FUT2: variants seen among roughly 807,000 people sequenced by gnomAD.
The protein encoded by FUT2 is galactoside alpha-(1,2)-fucosyltransferase 2.
For missense variants in FUT2, 419 were observed against 465.8 expected, an observed-to-expected ratio of 0.90 and a Z score of 0.93; for synonymous variants, 182 against 193.1, an observed-to-expected ratio of 0.94 and a Z score of 0.48.
intron 1 of FUT2, among the ~76,000 whole-genome samples, chr19:48,700,152 CAA>C (rs923397801): frequency 0.2 from 8,665 of 44,082 alleles, 146 homozygotes; most frequent in Admixed American, 0.25. Context: ...GACTCCATCT[CAA>C]AAAAAAAAAA....
rs1405159995 is a variant in FUT2, at chr19:48,703,985, C to T, written c.1029C>T (p.His343=). 6.2e-7 allele frequency: 1 copy of T among 1,613,260 alleles called. No individual in the cohort carries two copies. The highest frequency in any genetic ancestry group is 8.5e-7 in the Non-Finnish European group (1 of 1,179,900). ...CAGACCTGTCCCCCTTACTCAAGCA[C>T]TAATGCTGGCCCATTCTTTGAGACC... ...IAADLSPLLK[H] is the part of the protein sequence containing the mutation. Residue 343 remains histidine, a synonymous_variant, in exon 2 of 2, where the codon CAC becomes CAT. Coordinates refer to ENST00000425340, the MANE Select transcript of FUT2 (RefSeq NM_000511.6).
intron 1 of FUT2, among the ~76,000 whole-genome samples, chr19:48,697,502 C>A (rs2042740628): frequency 6.6e-6 from 1 of 151,536 alleles, no homozygotes; most frequent in Non-Finnish European, 1.5e-5. Context: ...AAGACCCCCT[C>A]CCCACCATCC....
intron 1 of FUT2, among the ~76,000 whole-genome samples, chr19:48,696,976 G>A (rs577398478): frequency 1.3e-4 from 20 of 152,116 alleles, no homozygotes; most frequent in African/African-American, 4.6e-4. Flanking sequence ...TGAAGGGGCT[G>A]CGAGCTGGGA....
Position 48,704,420 on chromosome 19 carries a change from TCAA to T in FUT2, c.*433_*435del. The T allele has an allele frequency of 8.3e-6, 1 of 120,062 alleles. No homozygotes were observed. The highest frequency in any genetic ancestry group is 1.5e-5 in the Non-Finnish European group (1 of 68,352). The allele number at this position is 120,062 out of a possible 1,614,324, so 7.4% of individuals were successfully genotyped here. On this transcript the variant is annotated 3_prime_UTR_variant, in exon 2 of 2. Transcript: ENST00000425340. ...CTGGGTGACACAGCAAGACTCCATC[TCAA>T]AAAAAAAAAAAAAAAAAAGAAAAGA...
chr19:48,703,028 T>C lies in FUT2; in HGVS notation c.72T>C (p.Thr24=). 6.2e-7 allele frequency: 1 copy of C among 1,613,166 alleles called. No homozygotes were observed. Among genetic ancestry groups the C allele is most frequent in the Non-Finnish European group, 8.5e-7 (1 of 1,180,038 alleles). ...HFILFVFTVS[T]IFHVQQRLAK... ...TCCTCTTTGTCTTTACGGTTTCCAC[T>C]ATATTTCACGTTCAGCAGCGGCTAG... The change falls in exon 2 of 2, where the codon ACT becomes ACC. Residue 24 remains threonine, a synonymous_variant. Transcript: ENST00000425340.
rs1195338226 is a variant in FUT2 at position 48,703,719 on chromosome 19, A to G, written c.763A>G (p.Thr255Ala). 6.8e-6 allele frequency: 11 copies of G among 1,613,052 alleles called. No homozygotes were observed. Among genetic ancestry groups the G allele is most frequent in the Admixed American group, 1.7e-5 (1 of 59,910 alleles). ...GGCCTGGTGTCGGGAGAACATTGACACCTCCCACGGTGATGTGGTGTTTGC... is the reference window on the plus strand; with the variant it reads ...GGCCTGGTGTCGGGAGAACATTGACGCCTCCCACGGTGATGTGGTGTTTGC... ...GMAWCRENID[T>A]SHGDVVFAGD... Residue 255 changes from threonine to alanine, a missense_variant, in exon 2 of 2, where the codon ACC becomes GCC. Transcript: ENST00000425340.
chr19:48,697,810 T>C (rs1451230825), intron 1 of FUT2, among the ~76,000 whole-genome samples: 3 of 151,954 alleles, frequency 2.0e-5, no homozygotes, highest in Non-Finnish European at 4.4e-5. Context: ...TTCTCCTTCC[T>C]CAGCCTCCCA....
At position 48,704,534 on chromosome 19, in the gene FUT2, C is replaced by T. The variant is rs757614652; in HGVS notation, c.*546C>T. ...CCAGGTCCAGGGTCAGTTAATTTAG[C>T]GGCTCCACAAAGTCATCAGTCACCT... On this transcript the variant is annotated 3_prime_UTR_variant, in exon 2 of 2. Transcript: ENST00000425340. 46 of 416,742 alleles carry T rather than the reference C, an allele frequency of 1.1e-4. No homozygotes were observed. Among genetic ancestry groups the T allele is most frequent in the Non-Finnish European group, 1.7e-4 (38 of 227,940 alleles). 25.8% of individuals were successfully genotyped at this position (416,742 alleles called of 1,614,324 possible).
intron 1 of FUT2, chr19:48,696,515 C>G (rs908220549): frequency 1.5e-4 from 23 of 152,330 alleles, no homozygotes; most frequent in Admixed American, 1.2e-3. Flanking sequence ...TTCATGGAAC[C>G]CAAACTGCTG....
In FUT2 at chr19:48,703,848, C is replaced by T. The variant is rs1475708633; in HGVS notation, c.892C>T (p.Leu298Phe). ...GACGTTCGGGATCTGGGCCGCATAC[C>T]TCACGGGCGGAGACACCATCTACCT... ...IGTFGIWAAY[L>F]TGGDTIYLAN... The change falls in exon 2 of 2, where the codon CTC (leucine) becomes TTC (phenylalanine). Residue 298 changes from leucine to phenylalanine, a missense_variant. By Grantham distance (22) the Leu-to-Phe change is conservative. Coordinates refer to ENST00000425340, the MANE Select transcript of FUT2 (RefSeq NM_000511.6). 1.2e-6 allele frequency: 2 copies of T among 1,613,632 alleles called. No individual in the cohort carries two copies. Among genetic ancestry groups the T allele is most frequent in the Non-Finnish European group, 1.7e-6 (2 of 1,180,018 alleles).
intron 1 of FUT2, among the ~76,000 whole-genome samples, chr19:48,700,574 G>A (rs1209904705): frequency 6.6e-5 from 10 of 151,840 alleles, no homozygotes; most frequent in South Asian, 4.2e-4. Flanking sequence ...CTCATGATCC[G>A]CCCGCCTTGG....
At chr19:48,700,564 C>T (rs1454508828) in intron 1 of FUT2, among the ~76,000 whole-genome samples, 1 of 151,972 alleles carries the variant, frequency 6.6e-6, no homozygotes, top group Non-Finnish European at 1.5e-5. Flanking sequence ...ATCTCCTGAC[C>T]TCATGATCCG....
intron 1 of FUT2, among the ~76,000 whole-genome samples, chr19:48,701,583 G>A (rs1033361990): frequency 2.6e-5 from 4 of 152,136 alleles, no homozygotes; most frequent in African/African-American, 9.6e-5. Context: ...ACTGGCTGCG[G>A]CCAGGAGGGC....
intron 1 of FUT2, among the ~76,000 whole-genome samples, chr19:48,698,424 C>T (rs1473126084): frequency 6.6e-6 from 1 of 151,742 alleles, no homozygotes; most frequent in African/African-American, 2.4e-5. Flanking sequence ...GTAGAACATT[C>T]TGCTTTTCTT....
At position 48,697,345 on chromosome 19, in the gene FUT2, CAA is replaced by C. The variant is rs71179033; in HGVS notation, c.-3+1278_-3+1279del. The stretch of plus-strand genomic sequence containing the variant: ...GGGGAACAAGAGCAAAACTCCGTCT[CAA>C]AAAAAAAAAAAAAAAAAAAAATCTC... On this transcript the variant is annotated intron_variant, in intron 1 of 1. Transcript: ENST00000425340. 1.1e-3 allele frequency among the ~76,000 whole-genome samples: 112 copies of C among 98,346 alleles called. 1 individual carries two copies. Among genetic ancestry groups the C allele is most frequent in the African/African-American group, 4.2e-3 (103 of 24,642 alleles). 64.5% of individuals were successfully genotyped at this position (98,346 alleles called of 152,430 possible). A position where few individuals can be genotyped will look rare whatever the true frequency, so the allele number is the denominator to read the frequency against.
intron 1 of FUT2, among the ~76,000 whole-genome samples, chr19:48,699,770 G>T (rs572220009): frequency 1.3e-4 from 20 of 152,156 alleles, no homozygotes; most frequent in African/African-American, 4.8e-4. Flanking sequence ...GCCACTGGTG[G>T]TGATGTGTCT....
In FUT2 at chr19:48,703,859, A is replaced by G. The variant is rs1289557580; in HGVS notation, c.903A>G (p.Gly301=). 2.7e-5 allele frequency: 44 copies of G among 1,613,486 alleles called. No individual in the cohort carries two copies. Among genetic ancestry groups the G allele is most frequent in the Non-Finnish European group, 3.7e-5 (44 of 1,180,012 alleles). ...FGIWAAYLTG[G]DTIYLANYTL... ...TCTGGGCCGCATACCTCACGGGCGG[A>G]GACACCATCTACCTGGCCAATTACA... Residue 301 remains glycine, a synonymous_variant, in exon 2 of 2, where the codon GGA becomes GGG. Coordinates refer to ENST00000425340, the MANE Select transcript of FUT2 (RefSeq NM_000511.6).
intron 1 of FUT2, among the ~76,000 whole-genome samples, chr19:48,699,390 G>C (rs2032471096): frequency 6.6e-6 from 1 of 151,968 alleles, no homozygotes. Context: ...TAGAGAAGGG[G>C]TTTCACTATG....
chr19:48,702,535 G>C (rs1296207106), intron 1 of FUT2, among the ~76,000 whole-genome samples: 1 of 151,912 alleles, frequency 6.6e-6, no homozygotes, highest in Non-Finnish European at 1.5e-5. Context: ...TCACCTAGAT[G>C]ACATATGTAT....
Sources: allele counts gnomAD v4.1 joint callset (sites outside exome capture counted in the v4.1 genomes callset), GRCh38; gene constraint gnomAD v4.1.1; transcripts MANE v1.5; gene names NCBI Gene and HGNC (gene_info 2026-07-23, HGNC 2026-07-21).